The following SLC36A1 variants were observed in gnomAD, a reference collection of about 807,000 sequenced individuals.
The protein encoded by SLC36A1 is solute carrier family 36 member 1.
Under a neutral mutation model 47.5 loss-of-function variants are expected in SLC36A1, and 30 were observed. That is an observed-to-expected ratio of 0.63 (90% CI 0.47 to 0.86). The LOEUF is 0.86. Among genes scored for constraint, SLC36A1 ranks in the 40% least tolerant of loss-of-function variants. The pLI is 0.00. For missense variants in SLC36A1, 517 were observed against 606.0 expected, an observed-to-expected ratio of 0.85 and a Z score of 1.54; for synonymous variants, 255 against 249.7, an observed-to-expected ratio of 1.02 and a Z score of -0.20.
the SLC36A1 span, among the ~76,000 whole-genome samples, chr5:151,404,024 A>G: frequency 6.6e-6 from 1 of 151,864 alleles, no homozygotes; most frequent in African/African-American, 2.4e-5. Context: ...GGTATTAAAG[A>G]CTCCCACTAT....
At chr5:151,531,732 C>G in the SLC36A1 span, 1 of 1,613,922 alleles carries the variant, frequency 6.2e-7, no homozygotes, top group Non-Finnish European at 8.5e-7. This position sits in a 1 kb window ranked among gnomAD's most constrained non-coding sequence, Gnocchi z 5.7. Flanking sequence ...GCACGCTGTG[C>G]TCGGTGTTCA....
At chr5:151,507,629 TC>T in the SLC36A1 span, 1 of 1,584,126 alleles carries the variant, frequency 6.3e-7, no homozygotes, top group Non-Finnish European at 8.6e-7. Context: ...GACAGAGTAG[TC>T]AGGGGGCCAA....
chr5:151,508,761 G>T, the SLC36A1 span, among the ~76,000 whole-genome samples: 18 of 152,034 alleles, frequency 1.2e-4, no homozygotes, highest in African/African-American at 4.3e-4. Context: ...GTAATCATGG[G>T]AAAGCCCTTT....
chr5:151,554,705 C>G, the SLC36A1 span: 1 of 1,545,180 alleles, frequency 6.5e-7, no homozygotes, highest in Admixed American at 1.8e-5. Flanking sequence ...AGCACCTGAG[C>G]TGACAATTGC....
chr5:151,503,657 C>G, the SLC36A1 span, among the ~76,000 whole-genome samples: 4 of 152,268 alleles, frequency 2.6e-5, no homozygotes, highest in African/African-American at 7.2e-5. Flanking sequence ...GAGGCTGACT[C>G]TGGGTCCCAG....
chr5:151,500,191 G>A, the SLC36A1 span, among the ~76,000 whole-genome samples: 3 of 152,082 alleles, frequency 2.0e-5, no homozygotes, highest in African/African-American at 4.8e-5. Flanking sequence ...GAACCCAAAC[G>A]TAAGGCGCAC....
At chr5:151,423,163 G>A in the SLC36A1 span, among the ~76,000 whole-genome samples, 1 of 152,164 alleles carries the variant, frequency 6.6e-6, no homozygotes, top group African/African-American at 2.4e-5. Context: ...AAAGCAGCAG[G>A]AACTTTCATT....
In SLC36A1 at chr5:151,467,761, A is replaced by T; in HGVS notation, c.559A>T (p.Ile187Phe). The T allele has an allele frequency of 1.2e-6, 2 of 1,613,966 alleles. No individual in the cohort carries two copies. Residue 187 changes from isoleucine (I) to phenylalanine (F), a missense_variant, in exon 7 of 11, where the codon ATT (isoleucine) becomes TTT (phenylalanine). Transcript: ENST00000243389. ...TNNCHNNETV[I>F]LTPTMDSRLY... is the part of the protein sequence containing the mutation. ...TAACTGCCACAACAATGAGACGGTG[A>T]TTCTGACGCCTACCATGGACTCGCG...
At chr5:151,477,704 A>G (rs1188173211) in intron 9 of SLC36A1, 1 of 152,242 alleles carries the variant, frequency 6.6e-6, no homozygotes, top group Non-Finnish European at 1.5e-5. Context: ...TAATTATCAA[A>G]TCAGGGTAAT....
the SLC36A1 span, among the ~76,000 whole-genome samples, chr5:151,499,333 C>T: frequency 6.6e-6 from 1 of 152,218 alleles, no homozygotes; most frequent in Non-Finnish European, 1.5e-5. Context: ...CACCGCACCA[C>T]AGGTGATGGA....
intron 10 of SLC36A1, among the ~76,000 whole-genome samples, chr5:151,483,043 A>G (rs915170388): frequency 6.6e-6 from 1 of 152,118 alleles, no homozygotes; most frequent in African/African-American, 2.4e-5. Context: ...TCTCAAAAAC[A>G]ATAAAAATAA....
At chr5:151,393,661 A>C in the SLC36A1 span, among the ~76,000 whole-genome samples, 1 of 152,130 alleles carries the variant, frequency 6.6e-6, no homozygotes, top group African/African-American at 2.4e-5. Flanking sequence ...TTCACTTATG[A>C]AGCTTAGTTT....
At chr5:151,502,309 C>CA in the SLC36A1 span, among the ~76,000 whole-genome samples, 9,997 of 126,858 alleles carry the variant, frequency 0.079, 754 homozygotes, top group East Asian at 0.15. Flanking sequence ...GAGACTCTGT[C>CA]AAAAAAAAAA....
At chr5:151,440,472 AG>A (rs142387917) in intron 1 of SLC36A1, among the ~76,000 whole-genome samples, 2,283 of 152,034 alleles carry the variant, frequency 0.015, 46 homozygotes, top group African/African-American at 0.052. Context: ...CAGGGACCCA[AG>A]GGGTCTCAAA....
the SLC36A1 span, chr5:151,509,786 C>A: frequency 4.1e-6 from 2 of 492,514 alleles, no homozygotes; most frequent in Non-Finnish European, 7.3e-6. Flanking sequence ...GTGCTTGAAT[C>A]ATCCTGAAAC....
the SLC36A1 span, among the ~76,000 whole-genome samples, chr5:151,403,983 C>G: frequency 1.3e-5 from 2 of 152,064 alleles, no homozygotes; most frequent in Non-Finnish European, 2.9e-5. Context: ...TTAGTCTTCT[C>G]CTTTGATGAT....
intron 8 of SLC36A1, among the ~76,000 whole-genome samples, chr5:151,474,175 A>G (rs1757727335): frequency 1.6e-5 from 2 of 127,380 alleles, no homozygotes; most frequent in Non-Finnish European, 3.0e-5. Context: ...AAAAAAAAAA[A>G]AAAAGAAATT....
the SLC36A1 span, among the ~76,000 whole-genome samples, chr5:151,368,536 A>T: frequency 3.3e-5 from 5 of 152,060 alleles, no homozygotes; most frequent in African/African-American, 4.8e-5. Context: ...ATCTGTGGGA[A>T]CTCCTTGCAT....
At chr5:151,420,573 A>G in the SLC36A1 span, among the ~76,000 whole-genome samples, 1 of 152,338 alleles carries the variant, frequency 6.6e-6, no homozygotes, top group African/African-American at 2.4e-5. Flanking sequence ...TAATCCTAAG[A>G]GTGCATCAGA....
Sources: gnomAD v4.1 joint callset for allele counts (sites outside exome capture counted in the v4.1 genomes callset) on GRCh38, gnomAD v4.1.1 for gene constraint, Gnocchi (gnomAD v3.1) non-coding constraint, MANE v1.5 for transcripts, NCBI Gene and HGNC (gene_info 2026-07-23, HGNC 2026-07-21) for gene names.